The following ZNF148 variants were observed in gnomAD, a reference collection of about 807,000 sequenced individuals.
ZNF148 encodes the protein Beta-Enolase Repressor Factor-1.
A neutral mutation model predicts 67.7 loss-of-function variants in ZNF148; 7 were observed. The observed-to-expected ratio is 0.10, with a 90% confidence interval of 0.06 to 0.19. The LOEUF is 0.19. Among genes scored for constraint, ZNF148 ranks in the 10% least tolerant of loss-of-function variants. The pLI, the probability that ZNF148 is intolerant of heterozygous loss-of-function variation, is 1.00. For synonymous variants in ZNF148, 333 were observed against 330.7 expected (o/e 1.01, Z -0.08); for missense variants, 583 against 947.1 (o/e 0.62, Z 5.05).
chr3:125,358,163 A>G (rs1215658216), intron 1 of ZNF148, among the ~76,000 whole-genome samples: 1 of 152,136 alleles, frequency 6.6e-6, no homozygotes, highest in Non-Finnish European at 1.5e-5. Context: ...AATACAAAAA[A>G]TTAGCCGGGT....
rs780476399 is a variant in ZNF148 at position 125,277,727 on chromosome 3, A to G, written c.666T>C (p.Thr222=). The G allele has an allele frequency of 5.0e-6, 8 of 1,609,624 alleles. No individual in the cohort carries two copies. Among genetic ancestry groups the G allele is most frequent in the Non-Finnish European group, 5.9e-6 (7 of 1,178,408 alleles). The change falls in exon 7 of 9, where the codon ACT becomes ACC. Residue 222 remains threonine, a splice_region_variant and synonymous_variant. Coordinates refer to ENST00000360647, the MANE Select transcript of ZNF148 (RefSeq NM_021964.3). The part of the protein sequence containing the change: ...YLLQRHEKIH[T]GEKPFRCDEC... ...CTAGTAAGGGTGGTTAACACTCACC[A>G]GTATGAATCTTCTCATGTCTCTGAA...
rs960918444 is a variant in ZNF148 at position 125,301,801 on chromosome 3, C to T, written c.333+11507G>A. Reference sequence around the variant, plus strand: ...ACATTCGGCCAGGCGCAGTGGCTCACACCTATAATCCCACCACTCTGGGAG... The same window carrying T: ...ACATTCGGCCAGGCGCAGTGGCTCATACCTATAATCCCACCACTCTGGGAG... On this transcript the variant is annotated intron_variant, in intron 4 of 8. Transcript: ENST00000360647. Among the ~76,000 whole-genome samples the T allele has an allele frequency of 3.9e-5, 6 of 152,322 alleles. No individual in the cohort carries two copies. In the East Asian group the frequency reaches 1.2e-3, roughly 29 times the overall value.
chr3:125,282,514 G>T (rs1186023127), intron 5 of ZNF148, among the ~76,000 whole-genome samples: 1 of 151,982 alleles, frequency 6.6e-6, no homozygotes, highest in African/African-American at 2.4e-5. Flanking sequence ...AAGCAATCAG[G>T]TTTTAGCAAG....
At chr3:125,305,041 A>G (rs757128505) in intron 4 of ZNF148, among the ~76,000 whole-genome samples, 3 of 152,262 alleles carry the variant, frequency 2.0e-5, no homozygotes, top group Non-Finnish European at 2.9e-5. Context: ...AAATAATCAC[A>G]GTAATAGATT....
At chr3:125,315,911 T>C (rs1336224264) in intron 3 of ZNF148, among the ~76,000 whole-genome samples, 6 of 152,206 alleles carry the variant, frequency 3.9e-5, no homozygotes, top group Admixed American at 2.6e-4. Flanking sequence ...CAAGTTGTTA[T>C]TGACTATAGT....
intron 1 of ZNF148, chr3:125,357,356 T>G (rs1194464148): frequency 6.5e-6 from 1 of 153,044 alleles, no homozygotes; most frequent in Non-Finnish European, 1.5e-5. Context: ...AAGGAAGTCA[T>G]GGAAGGTGCT....
At chr3:125,267,322 C>A (rs370933197) in intron 7 of ZNF148, among the ~76,000 whole-genome samples, 1 of 150,780 alleles carries the variant, frequency 6.6e-6, no homozygotes, top group Admixed American at 6.6e-5. Flanking sequence ...AAATCCTGAA[C>A]AAAATACTAG....
intron 5 of ZNF148, among the ~76,000 whole-genome samples, chr3:125,284,913 CA>C (rs11420317): frequency 6.9e-4 from 91 of 131,386 alleles, no homozygotes; most frequent in Admixed American, 1.2e-3. Context: ...TTAAGTTTTC[CA>C]AAAAAAAAAA....
At chr3:125,285,857 A>G (rs1177624776) in intron 5 of ZNF148, among the ~76,000 whole-genome samples, 2 of 152,210 alleles carry the variant, frequency 1.3e-5, no homozygotes, top group Non-Finnish European at 2.9e-5. Context: ...AAATACTTAA[A>G]TAATACCTTT....
intron 1 of ZNF148, among the ~76,000 whole-genome samples, chr3:125,354,830 T>C (rs959001572): frequency 2.0e-5 from 3 of 152,254 alleles, no homozygotes; most frequent in Non-Finnish European, 4.4e-5. Flanking sequence ...AACAACACCA[T>C]GCTGAAGAAT....
At position 125,232,343 on chromosome 3, in the gene ZNF148, AG is replaced by A; in HGVS notation, c.2382del (p.Ter795LysfsTer7). 5 of 1,519,102 alleles carry A rather than the reference AG, an allele frequency of 3.3e-6. No individual in the cohort carries two copies. The highest frequency in any genetic ancestry group is 2.6e-6 in the Non-Finnish European group (3 of 1,138,698). The allele number at this position is 1,519,102 out of a possible 1,614,324, so 94.1% of individuals were successfully genotyped here. A position where few individuals can be genotyped will look rare whatever the true frequency, so the allele number is the denominator to read the frequency against. The part of the protein sequence containing the change: ...SPDATTGQTF[G>X] ...TTATTTACACTTTTTTTTTTTTTTT[AG>A]CCAAAAGTCTGGCCAGTTGTGGCAT... On this transcript the variant is annotated frameshift_variant, in exon 9 of 9. Transcript: ENST00000360647. LOFTEE classifies it high-confidence loss of function. The surrounding 1 kb of genome is among the most constrained non-coding windows in gnomAD (Gnocchi z 4.2).
intron 1 of ZNF148, among the ~76,000 whole-genome samples, chr3:125,335,595 T>C (rs559328546): frequency 2.6e-5 from 4 of 152,296 alleles, no homozygotes; most frequent in African/African-American, 9.6e-5. Flanking sequence ...GCAACATAAA[T>C]AGGTTAGTCC....
At chr3:125,360,120 T>C (rs1052664425) in intron 1 of ZNF148, among the ~76,000 whole-genome samples, 10 of 152,226 alleles carry the variant, frequency 6.6e-5, no homozygotes, top group African/African-American at 2.4e-4. Context: ...ATATTTTCTC[T>C]GCTGCAAGCT....
intron 4 of ZNF148, among the ~76,000 whole-genome samples, chr3:125,295,357 G>A (rs1939226486): frequency 6.6e-6 from 1 of 151,922 alleles, no homozygotes; most frequent in African/African-American, 2.4e-5. Context: ...GGAGGCTGAG[G>A]CAGGAAAATA....
chr3:125,325,258 T>C (rs1309462689), intron 2 of ZNF148, among the ~76,000 whole-genome samples: 2 of 152,008 alleles, frequency 1.3e-5, no homozygotes, highest in African/African-American at 2.4e-5. Context: ...AACAGATTTA[T>C]GGCAAAAGAA....
intron 1 of ZNF148, among the ~76,000 whole-genome samples, chr3:125,338,659 C>CA (rs757727396): frequency 0.17 from 8,695 of 51,100 alleles, 1,976 homozygotes; most frequent in Middle Eastern, 0.23. Flanking sequence ...GACCCTGTCT[C>CA]AAAAAAAAAA....
rs1177885521 is a variant in ZNF148 at position 125,226,742 on chromosome 3, C to T, written c.*5599G>A. ...AAACATATTTAAAGAAACAAAAAAC[C>T]TCCCAATTGTTTAAAAACAATTCTA... On this transcript the variant is annotated 3_prime_UTR_variant, in exon 9 of 9. Transcript: ENST00000360647. 6.6e-6 allele frequency: 1 copy of T among 152,500 alleles called. No individual in the cohort carries two copies. Among genetic ancestry groups the T allele is most frequent in the Non-Finnish European group, 1.5e-5 (1 of 68,004 alleles). The allele number at this position is 152,500 out of a possible 1,614,324, so 9.4% of individuals were successfully genotyped here.
At chr3:125,332,688 TG>T (rs1941338763) in intron 1 of ZNF148, among the ~76,000 whole-genome samples, 1 of 152,190 alleles carries the variant, frequency 6.6e-6, no homozygotes, top group Non-Finnish European at 1.5e-5. Context: ...TATTTCTGCT[TG>T]TCACTTGCTT....
intron 4 of ZNF148, among the ~76,000 whole-genome samples, chr3:125,302,003 T>C (rs1939613214): frequency 6.6e-6 from 1 of 151,942 alleles, no homozygotes; most frequent in Non-Finnish European, 1.5e-5. Context: ...AGGTGGAGGT[T>C]GCACTGAGCC....
Sources: gnomAD v4.1 joint callset for allele counts (sites outside exome capture counted in the v4.1 genomes callset) on GRCh38, gnomAD v4.1.1 for gene constraint, Gnocchi (gnomAD v3.1) non-coding constraint, MANE v1.5 for transcripts, NCBI Gene and HGNC (gene_info 2026-07-23, HGNC 2026-07-21) for gene names.